Variants in TYW1 observed in about 807,000 individuals in gnomAD.
TYW1 encodes tRNA-yW synthesizing protein 1 homolog, also known as S-adenosyl-L-methionine-dependent tRNA 4-demethylwyosine synthase TYW1.
A neutral mutation model predicts 96.2 loss-of-function variants in TYW1; 46 were observed. That is an observed-to-expected ratio of 0.48 (90% CI 0.38 to 0.61). The LOEUF (loss-of-function observed/expected upper bound fraction) is 0.61, where lower values mean the gene tolerates loss of function less well. TYW1 is among the 20% of genes least tolerant of loss of function. TYW1 has a pLI of 0.00. For synonymous variants in TYW1, 274 were observed against 323.0 expected (o/e 0.85, Z 1.63); for missense variants, 684 against 909.6 (o/e 0.75, Z 3.19).
At chr7:67,182,909 A>G (rs1287376996) in intron 13 of TYW1, among the ~76,000 whole-genome samples, 2 of 151,526 alleles carry the variant, frequency 1.3e-5, no homozygotes, top group Non-Finnish European at 2.9e-5. Context: ...GAGAAAATAA[A>G]TATGTCAGTA....
intron 7 of TYW1, among the ~76,000 whole-genome samples, chr7:67,031,240 C>T (rs1225167092): frequency 6.5e-5 from 9 of 138,652 alleles, no homozygotes; most frequent in African/African-American, 2.2e-4. Context: ...AAACAGGAGG[C>T]GTGTTGTGTA....
chr7:67,142,742 T>C (rs190192444), intron 13 of TYW1, among the ~76,000 whole-genome samples: 1 of 152,132 alleles, frequency 6.6e-6, no homozygotes, highest in Non-Finnish European at 1.5e-5. Context: ...AGCCAGTGCT[T>C]TTATTAATAA....
chr7:66,997,818 G>C (rs2129234853), intron 1 of TYW1, among the ~76,000 whole-genome samples: 1 of 151,888 alleles, frequency 6.6e-6, no homozygotes, highest in South Asian at 2.1e-4. Context: ...TAGTAGAGGC[G>C]GGGTTTCACC....
chr7:67,089,523 G>T (rs2711920), intron 11 of TYW1: 9 of 760,694 alleles, frequency 1.2e-5, no homozygotes, highest in South Asian at 6.2e-5. Context: ...TGCTTTCTAG[G>T]GTGAGTTCCC....
Position 67,070,741 on chromosome 7 carries a change from T to C in TYW1, c.1274+3338T>C, listed in dbSNP as rs141737485. ...TAAAGTATTTTTTTAGTTGGTCTAA[T>C]GCCTATGCCTCCTCAGGGAGAGTTT... On this transcript the variant is annotated intron_variant, in intron 10 of 15. Transcript: ENST00000359626. Among the ~76,000 whole-genome samples, 522 of 152,326 alleles carry C rather than the reference T, an allele frequency of 3.4e-3. 4 individuals carry two copies. Among genetic ancestry groups the C allele is most frequent in the African/African-American group, 0.012 (506 of 41,580 alleles).
intron 8 of TYW1, among the ~76,000 whole-genome samples, chr7:67,052,155 G>A (rs1393359479): frequency 6.6e-6 from 1 of 151,966 alleles, no homozygotes; most frequent in Non-Finnish European, 1.5e-5. Flanking sequence ...TCTTTTATTT[G>A]GGTTTTGTTG....
chr7:67,095,331 C>G (rs1796865773), intron 11 of TYW1, among the ~76,000 whole-genome samples: 1 of 151,964 alleles, frequency 6.6e-6, no homozygotes, highest in African/African-American at 2.4e-5. Context: ...AACTGTGGTT[C>G]TCCTGCCCAG....
chr7:67,093,964 T>C (rs1260336196), intron 11 of TYW1, among the ~76,000 whole-genome samples: 1 of 152,198 alleles, frequency 6.6e-6, no homozygotes, highest in African/African-American at 2.4e-5. Context: ...ATAGTGAACA[T>C]TGTACCTGAT....
At chr7:67,124,057 C>T (rs1797842719) in intron 13 of TYW1, among the ~76,000 whole-genome samples, 1 of 152,122 alleles carries the variant, frequency 6.6e-6, no homozygotes, top group African/African-American at 2.4e-5. Flanking sequence ...TAAAGAATTG[C>T]ATAGCATATC....
chr7:67,102,427 GAT>G (rs769172599), intron 12 of TYW1, among the ~76,000 whole-genome samples: 3 of 152,272 alleles, frequency 2.0e-5, no homozygotes, highest in Non-Finnish European at 4.4e-5. Flanking sequence ...AAACAAATGA[GAT>G]AGAATGGCAT....
chr7:67,102,540 A>G (rs200590412), intron 12 of TYW1, among the ~76,000 whole-genome samples: 3 of 152,358 alleles, frequency 2.0e-5, no homozygotes, highest in East Asian at 3.9e-4. Context: ...GCTAATAGGA[A>G]GATTAGCAAA....
At chr7:67,098,497 A>G (rs779732044) in intron 11 of TYW1, 44 bp from the exon 12 acceptor site, 22 of 1,507,794 alleles carry the variant, frequency 1.5e-5, no homozygotes, top group African/African-American at 5.6e-5. Context: ...GACATCCTCT[A>G]TCTGTGCCTT....
intron 4 of TYW1, among the ~76,000 whole-genome samples, chr7:67,010,600 C>G (rs1434729349): frequency 6.6e-6 from 1 of 151,942 alleles, no homozygotes; most frequent in Non-Finnish European, 1.5e-5. Context: ...CTCAGCCTCC[C>G]GAGTAGGTGG....
chr7:67,139,920 A>G (rs184287344), intron 13 of TYW1, among the ~76,000 whole-genome samples: 123 of 152,204 alleles, frequency 8.1e-4, no homozygotes, highest in Admixed American at 1.5e-3. Flanking sequence ...GTGTTAGTCC[A>G]TTTTCATGCT....
At chr7:67,071,398 A>G (rs1201538465) in intron 10 of TYW1, among the ~76,000 whole-genome samples, 1 of 151,584 alleles carries the variant, frequency 6.6e-6, no homozygotes, top group Admixed American at 6.6e-5. Flanking sequence ...AAAAAAAAAA[A>G]AAAGCTTCTC....
At chr7:67,033,892 A>G (rs1326891547) in intron 7 of TYW1, among the ~76,000 whole-genome samples, 1 of 146,230 alleles carries the variant, frequency 6.8e-6, no homozygotes, top group East Asian at 2.0e-4. Context: ...ACGAGGTTTC[A>G]CCATCTTGGC....
At chr7:67,032,885 C>CTTTGTTTTTTTTTT (rs1794712305) in intron 7 of TYW1, among the ~76,000 whole-genome samples, 1 of 76,256 alleles carries the variant, frequency 1.3e-5, no homozygotes. Flanking sequence ...AGAAGTATAC[C>CTTTGTTTTTTTTTT]TTTTTTTTTT....
chr7:67,224,607 A>G (rs973450154), intron 15 of TYW1, among the ~76,000 whole-genome samples: 1 of 152,236 alleles, frequency 6.6e-6, no homozygotes, highest in African/African-American at 2.4e-5. Context: ...TCATCAGAGT[A>G]GAAACTCTAA....
chr7:67,127,942 C>CT (rs1428867538), intron 13 of TYW1, among the ~76,000 whole-genome samples: 1 of 152,046 alleles, frequency 6.6e-6, no homozygotes, highest in Non-Finnish European at 1.5e-5. Flanking sequence ...ATAGGTAAGG[C>CT]TTTTTTCCCT....
Sources: gnomAD v4.1 joint callset for allele counts (sites outside exome capture counted in the v4.1 genomes callset) on GRCh38, gnomAD v4.1.1 for gene constraint, MANE v1.5 for transcripts, NCBI Gene and HGNC (gene_info 2026-07-23, HGNC 2026-07-21) for gene names.